Variants in ARL15 observed in about 807,000 individuals in gnomAD.
ARL15 encodes ADP-ribosylation factor-like protein 15.
ARL15 carries 19 observed loss-of-function variants against 25.2 expected under a neutral mutation model. The observed-to-expected ratio is 0.75, with a 90% CI of 0.53 to 1.10. The LOEUF (loss-of-function observed/expected upper bound fraction) is 1.10, where lower values mean the gene tolerates loss of function less well. Among genes scored for constraint, ARL15 ranks in the 50% least tolerant of loss-of-function variants. The pLI, the probability that ARL15 is intolerant of heterozygous loss-of-function variation, is 0.00. For missense variants in ARL15, 220 were observed against 246.0 expected (o/e 0.89, Z 0.71); for synonymous variants, 94 against 86.8 (o/e 1.08, Z -0.46).
intron 1 of ARL15, among the ~76,000 whole-genome samples, chr5:54,207,565 G>C (rs1307761100): frequency 6.6e-6 from 1 of 152,158 alleles, no homozygotes. Flanking sequence ...GCACTAAAAT[G>C]ATTTTAAAAG....
At chr5:54,147,782 A>G (rs746008019) in intron 3 of ARL15, among the ~76,000 whole-genome samples, 4 of 152,196 alleles carry the variant, frequency 2.6e-5, no homozygotes, top group Non-Finnish European at 5.9e-5. Context: ...CCTGTCCCTC[A>G]AAGCAATGTG....
intron 4 of ARL15, among the ~76,000 whole-genome samples, chr5:53,933,442 G>A (rs1165480648): frequency 6.6e-6 from 1 of 151,956 alleles, no homozygotes; most frequent in Non-Finnish European, 1.5e-5. Context: ...TCAGGAGATC[G>A]AGACCATTCT....
At position 53,884,427 on chromosome 5, in the gene ARL15, C is replaced by G. The variant is rs1744447904; in HGVS notation, c.*2134G>C. 1 of 145,738 alleles carries G rather than the reference C, an allele frequency of 6.9e-6. No individual in the cohort carries two copies. Among genetic ancestry groups the G allele is most frequent in the Non-Finnish European group, 1.5e-5 (1 of 67,042 alleles). The allele number at this position is 145,738 out of a possible 1,614,324, so 9.0% of individuals were successfully genotyped here. On this transcript the variant is annotated 3_prime_UTR_variant, in exon 5 of 5. Coordinates refer to ENST00000504924, the MANE Select transcript of ARL15 (RefSeq NM_019087.3). ...CCCCACCCCGCCCCCACGTGGATTT[C>G]CAAAACATGGCAAATTCTAGGGTTA...
chr5:54,233,678 G>C (rs1474410205), intron 1 of ARL15, among the ~76,000 whole-genome samples: 1 of 152,198 alleles, frequency 6.6e-6, no homozygotes, highest in Non-Finnish European at 1.5e-5. Flanking sequence ...GTTCCACATG[G>C]CAACTAGCCC....
chr5:53,974,831 T>C (rs765922151), intron 4 of ARL15, among the ~76,000 whole-genome samples: 6 of 152,224 alleles, frequency 3.9e-5, no homozygotes, highest in Non-Finnish European at 7.3e-5. Flanking sequence ...TTGATAATCA[T>C]AGGTGATGTA....
chr5:54,165,276 T>C (rs1754530505), intron 2 of ARL15, among the ~76,000 whole-genome samples: 1 of 152,052 alleles, frequency 6.6e-6, no homozygotes, highest in Middle Eastern at 3.2e-3. Context: ...GAAGTAAATA[T>C]TATATAATTA....
At chr5:54,296,352 G>T (rs1304332643) in intron 1 of ARL15, among the ~76,000 whole-genome samples, 1 of 152,200 alleles carries the variant, frequency 6.6e-6, no homozygotes, top group African/African-American at 2.4e-5. Context: ...ACTCAATTCT[G>T]CGAGGTAGGT....
rs1716387327 is a variant in ARL15, at chr5:53,996,771, G to A, written c.463-110058C>T. On this transcript the variant is annotated intron_variant, in intron 4 of 4. Coordinates refer to ENST00000504924, the MANE Select transcript of ARL15 (RefSeq NM_019087.3). ...AAGTCCCCTAGGTAGGAATGGTATTGTCTCTAGTTAGAGACTACTGATCCA... is the reference window on the plus strand; with the variant it reads ...AAGTCCCCTAGGTAGGAATGGTATTATCTCTAGTTAGAGACTACTGATCCA... Among the ~76,000 whole-genome samples, 3 of 152,092 alleles carry A rather than the reference G, an allele frequency of 2.0e-5. No individual in the cohort carries two copies. In the South Asian group the frequency reaches 6.2e-4, roughly 32 times the overall value.
intron 1 of ARL15, among the ~76,000 whole-genome samples, chr5:54,247,512 G>A (rs1021777557): frequency 6.7e-6 from 1 of 149,810 alleles, no homozygotes; most frequent in Admixed American, 6.7e-5. Context: ...AAATGTCACT[G>A]TCCCATTTCC....
rs889966300 is a variant in ARL15, at chr5:53,899,344, T to A, written c.463-12631A>T. On this transcript the variant is annotated intron_variant, in intron 4 of 4. Coordinates refer to ENST00000504924, the MANE Select transcript of ARL15 (RefSeq NM_019087.3). Reference sequence around the variant, plus strand: ...GCCTGGGTAACAGAGTGAGACTCTATCCCAAAAAAAAAAAAAAAAAAAAAA... The same window carrying A: ...GCCTGGGTAACAGAGTGAGACTCTAACCCAAAAAAAAAAAAAAAAAAAAAA... 1.2e-3 allele frequency among the ~76,000 whole-genome samples: 81 copies of A among 67,002 alleles called. 1 individual carries two copies. The East Asian group carries it at 0.04, about 33-fold the overall frequency. The allele number at this position is 67,002 out of a possible 152,430, so 44.0% of individuals were successfully genotyped here.
At chr5:54,039,368 T>C (rs1465482927) in intron 4 of ARL15, among the ~76,000 whole-genome samples, 1 of 152,190 alleles carries the variant, frequency 6.6e-6, no homozygotes, top group African/African-American at 2.4e-5. Flanking sequence ...GTTATATACA[T>C]CTTGTAAAAC....
intron 4 of ARL15, among the ~76,000 whole-genome samples, chr5:53,955,532 C>T (rs1747118221): frequency 6.6e-6 from 1 of 152,158 alleles, no homozygotes; most frequent in Admixed American, 6.5e-5. Flanking sequence ...GCAGAGTAGG[C>T]ACCTCCAAGT....
chr5:54,197,009 C>T (rs2112471066), intron 1 of ARL15, among the ~76,000 whole-genome samples: 1 of 152,118 alleles, frequency 6.6e-6, no homozygotes, highest in East Asian at 1.9e-4. Context: ...TATATTGATT[C>T]TTCAATAGTA....
At chr5:53,963,805 TCACACACACACACACACACACACA>T (rs60458728) in intron 4 of ARL15, among the ~76,000 whole-genome samples, 15 of 143,242 alleles carry the variant, frequency 1.0e-4, no homozygotes, top group African/African-American at 3.4e-4. Context: ...TGAAACTCCA[TCACACACACACACACACACACACA>T]CACACACACA....
At chr5:53,952,917 A>T (rs986779828) in intron 4 of ARL15, among the ~76,000 whole-genome samples, 3 of 152,198 alleles carry the variant, frequency 2.0e-5, no homozygotes, top group Admixed American at 2.0e-4. Flanking sequence ...TGCTTGCTTT[A>T]TTTGTTGTTA....
intron 4 of ARL15, among the ~76,000 whole-genome samples, chr5:54,078,262 C>T (rs1009460955): frequency 2.0e-5 from 3 of 152,126 alleles, no homozygotes; most frequent in African/African-American, 7.2e-5. Flanking sequence ...ATAGCTTTTG[C>T]TTAGGATATA....
At chr5:54,299,797 C>T (rs1758569086) in intron 1 of ARL15, among the ~76,000 whole-genome samples, 1 of 151,856 alleles carries the variant, frequency 6.6e-6, no homozygotes, top group African/African-American at 2.4e-5. Flanking sequence ...ATCATGTTGG[C>T]CAGATGGTCT....
intron 1 of ARL15, among the ~76,000 whole-genome samples, chr5:54,201,072 T>C (rs1030548116): frequency 2.0e-5 from 3 of 152,004 alleles, no homozygotes; most frequent in Non-Finnish European, 4.4e-5. Context: ...GTTGAGTGAT[T>C]CTCATTTATC....
chr5:54,177,327 A>G (rs1188419267), intron 1 of ARL15, among the ~76,000 whole-genome samples: 1 of 152,222 alleles, frequency 6.6e-6, no homozygotes, highest in East Asian at 1.9e-4. Context: ...ACTTTGGACA[A>G]ATCATGTAAT....
Sources: gnomAD v4.1 joint callset for allele counts (sites outside exome capture counted in the v4.1 genomes callset) on GRCh38, gnomAD v4.1.1 for gene constraint, MANE v1.5 for transcripts, NCBI Gene and HGNC (gene_info 2026-07-23, HGNC 2026-07-21) for gene names.